The following CADM1 variants were observed in gnomAD, a reference collection of about 807,000 sequenced individuals.
CADM1 encodes the protein TSLC-1.
Under a neutral mutation model 53.1 loss-of-function variants are expected in CADM1, and 15 were observed. The ratio of observed to expected loss-of-function variants is 0.28; its 90% CI spans 0.19 to 0.44. The LOEUF (loss-of-function observed/expected upper bound fraction) is 0.44. Among genes scored for constraint, CADM1 ranks in the 20% least tolerant of loss-of-function variants. The pLI, the probability that CADM1 is intolerant of heterozygous loss-of-function variation, is 1.00. For synonymous variants in CADM1, 281 were observed against 243.0 expected, an observed-to-expected ratio of 1.16 and a Z score of -1.45; for missense variants, 434 against 611.3, an observed-to-expected ratio of 0.71 and a Z score of 3.06.
intron 6 of CADM1, among the ~76,000 whole-genome samples, chr11:115,217,098 C>G (rs902015880): frequency 2.0e-5 from 3 of 152,088 alleles, no homozygotes; most frequent in African/African-American, 7.2e-5. Context: ...TTCTTTCCCC[C>G]ACTAAGGAAC....
intron 1 of CADM1, among the ~76,000 whole-genome samples, chr11:115,489,222 G>A (rs945104896): frequency 1.5e-4 from 23 of 152,170 alleles, no homozygotes; most frequent in Non-Finnish European, 7.4e-5. Context: ...CAACAACCAA[G>A]TATGAACAAA....
chr11:115,338,724 C>T (rs1022177281), intron 1 of CADM1, among the ~76,000 whole-genome samples: 3 of 152,070 alleles, frequency 2.0e-5, no homozygotes, highest in Non-Finnish European at 4.4e-5. Flanking sequence ...AATTACATCT[C>T]ACACTGCTTT....
At chr11:115,415,840 A>C (rs2135257659) in intron 1 of CADM1, among the ~76,000 whole-genome samples, 1 of 150,984 alleles carries the variant, frequency 6.6e-6, no homozygotes, top group Admixed American at 6.6e-5. Context: ...AAAAAAAAAA[A>C]AAAAAAAAAA....
At chr11:115,272,919 G>A (rs945201744) in intron 1 of CADM1, among the ~76,000 whole-genome samples, 1 of 151,832 alleles carries the variant, frequency 6.6e-6, no homozygotes, top group Admixed American at 6.6e-5. Flanking sequence ...TAAAAAAAAA[G>A]CAACGACGTG....
chr11:115,334,966 T>C (rs1591718987), intron 1 of CADM1, among the ~76,000 whole-genome samples: 1 of 152,184 alleles, frequency 6.6e-6, no homozygotes, highest in East Asian at 1.9e-4. Context: ...TTTTAAGACA[T>C]AGCCCTTGGA....
chr11:115,234,933 T>C (rs905244783), intron 3 of CADM1, among the ~76,000 whole-genome samples: 7 of 144,890 alleles, frequency 4.8e-5, no homozygotes, highest in African/African-American at 1.5e-4. Context: ...TTGCCCAGTG[T>C]AGAAAAATGA....
At chr11:115,342,218 C>T (rs1945467652) in intron 1 of CADM1, among the ~76,000 whole-genome samples, 1 of 152,136 alleles carries the variant, frequency 6.6e-6, no homozygotes, top group African/African-American at 2.4e-5. Context: ...CAGATCATAC[C>T]AACAGATTAA....
intron 1 of CADM1, among the ~76,000 whole-genome samples, chr11:115,301,483 T>C (rs942547141): frequency 6.6e-6 from 1 of 152,144 alleles, no homozygotes; most frequent in Non-Finnish European, 1.5e-5. Context: ...AACCCTAGTC[T>C]TTCAGAGTCT....
intron 2 of CADM1, among the ~76,000 whole-genome samples, chr11:115,239,244 CA>C (rs1449694335): frequency 1.3e-5 from 2 of 152,050 alleles, no homozygotes; most frequent in African/African-American, 4.8e-5. Context: ...AATCTAATAG[CA>C]AAATAAACCT....
chr11:115,381,495 C>T (rs1268494685), intron 1 of CADM1, among the ~76,000 whole-genome samples: 1 of 152,106 alleles, frequency 6.6e-6, no homozygotes, highest in Non-Finnish European at 1.5e-5. Flanking sequence ...AAAAACAGTA[C>T]AAGCTTTGAA....
chr11:115,225,353 C>T (rs1198041589), intron 5 of CADM1, among the ~76,000 whole-genome samples: 1 of 151,918 alleles, frequency 6.6e-6, no homozygotes, highest in Non-Finnish European at 1.5e-5. Flanking sequence ...AAGGGGTCAA[C>T]ACCTTGCTGA....
At chr11:115,308,598 C>G (rs1944450261) in intron 1 of CADM1, among the ~76,000 whole-genome samples, 1 of 151,928 alleles carries the variant, frequency 6.6e-6, no homozygotes, top group Admixed American at 6.6e-5. Flanking sequence ...CTATTTTTCA[C>G]ATTTTAGTTT....
At chr11:115,273,911 C>T (rs1013651207) in intron 1 of CADM1, among the ~76,000 whole-genome samples, 2 of 152,198 alleles carry the variant, frequency 1.3e-5, no homozygotes, top group Non-Finnish European at 2.9e-5. Flanking sequence ...CACACACTGA[C>T]ATTACATACT....
At chr11:115,235,716 A>G (rs940466585) in intron 3 of CADM1, among the ~76,000 whole-genome samples, 1 of 152,186 alleles carries the variant, frequency 6.6e-6, no homozygotes, top group Non-Finnish European at 1.5e-5. Context: ...TCACTCTAAG[A>G]CCCTTTAAAA....
chr11:115,180,706 G>T (rs1414304299), intron 10 of CADM1, among the ~76,000 whole-genome samples: 1 of 152,104 alleles, frequency 6.6e-6, no homozygotes, highest in Non-Finnish European at 1.5e-5. Context: ...TGGACACGGG[G>T]TGTCTGCTGG....
In CADM1 at chr11:115,172,186, C is replaced by T. The variant is rs1938811574; in HGVS notation, c.*4288G>A. 6.6e-6 allele frequency: 1 copy of T among 152,278 alleles called. No individual in the cohort carries two copies. Among genetic ancestry groups the T allele is most frequent in the Admixed American group, 6.5e-5 (1 of 15,282 alleles). 9.4% of individuals were successfully genotyped at this position (152,278 alleles called of 1,614,324 possible). On this transcript the variant is annotated 3_prime_UTR_variant, in exon 12 of 12. Transcript: ENST00000331581. ...GGGACAGGGATCTGAATGCAGGCAG[C>T]CTCTCTCTAGTGTGTGCTTTTGATC...
rs576517669 is a variant in CADM1, at chr11:115,449,527, G to A, written c.124+54744C>T. ...AAAACTGTGTTTTCCCCCTAGAAGA[G>A]TCATAATCAGAAGCAGCTCCAGCCT... On this transcript the variant is annotated intron_variant, in intron 1 of 11. Transcript: ENST00000331581. 3.3e-5 allele frequency among the ~76,000 whole-genome samples: 5 copies of A among 152,218 alleles called. No homozygotes were observed. In the South Asian group the frequency reaches 1.0e-3, roughly 32 times the overall value.
At chr11:115,478,665 C>G (rs1449292125) in intron 1 of CADM1, among the ~76,000 whole-genome samples, 4 of 152,134 alleles carry the variant, frequency 2.6e-5, no homozygotes. Context: ...TTCATAATCT[C>G]ACTCTCTAGA....
intron 1 of CADM1, among the ~76,000 whole-genome samples, chr11:115,483,688 G>A (rs918416879): frequency 1.3e-5 from 2 of 152,086 alleles, no homozygotes; most frequent in Admixed American, 6.5e-5. Context: ...TAAAAATACC[G>A]ATGAGCATGA....
Sources: allele counts gnomAD v4.1 joint callset (sites outside exome capture counted in the v4.1 genomes callset), GRCh38; gene constraint gnomAD v4.1.1; transcripts MANE v1.5; gene names NCBI Gene and HGNC (gene_info 2026-07-23, HGNC 2026-07-21).